Variants in RBFOX3 observed in about 807,000 individuals in gnomAD.
The protein encoded by RBFOX3 is RNA binding protein fox-1 homolog 3.
A neutral mutation model predicts 48.7 loss-of-function variants in RBFOX3; 17 were observed. That is an observed-to-expected ratio of 0.35 (90% CI 0.24 to 0.52). RBFOX3 has a LOEUF of 0.52. Among genes scored for constraint, RBFOX3 ranks in the 20% least tolerant of loss-of-function variants. The pLI is 0.94. For missense variants in RBFOX3, 382 were observed against 497.5 expected (o/e 0.77, Z 2.21); for synonymous variants, 212 against 209.5 (o/e 1.01, Z -0.10).
chr17:79,445,218 G>C (rs1191712026), intron 2 of RBFOX3, among the ~76,000 whole-genome samples: 2 of 152,194 alleles, frequency 1.3e-5, no homozygotes, highest in Admixed American at 6.5e-5. Context: ...ACACGGGTAG[G>C]TGTGTTCATG....
At chr17:79,135,291 G>A (rs2039927988) in intron 4 of RBFOX3, among the ~76,000 whole-genome samples, 1 of 152,166 alleles carries the variant, frequency 6.6e-6, no homozygotes. Flanking sequence ...CTGGGGAGGT[G>A]AGATGGGTGG....
chr17:79,545,585 C>G (rs1453551168), intron 1 of RBFOX3, among the ~76,000 whole-genome samples: 1 of 152,236 alleles, frequency 6.6e-6, no homozygotes, highest in Non-Finnish European at 1.5e-5. Context: ...TCCTTCCAGG[C>G]AGCCGATTGG....
intron 2 of RBFOX3, among the ~76,000 whole-genome samples, chr17:79,371,480 T>C (rs1225537137): frequency 2.0e-5 from 3 of 152,138 alleles, no homozygotes; most frequent in African/African-American, 7.2e-5. Context: ...CTGGGCTCCA[T>C]AGACCCCATG....
intron 1 of RBFOX3, among the ~76,000 whole-genome samples, chr17:79,569,724 C>A (rs2092595893): frequency 6.6e-6 from 1 of 152,164 alleles, no homozygotes; most frequent in African/African-American, 2.4e-5. Flanking sequence ...TTCTGGTGGC[C>A]AAGGTCAACA....
At chr17:79,590,201 G>A (rs963323991) in intron 1 of RBFOX3, among the ~76,000 whole-genome samples, 1 of 152,144 alleles carries the variant, frequency 6.6e-6, no homozygotes, top group Non-Finnish European at 1.5e-5. Flanking sequence ...AACCCCAGGG[G>A]ACAAGGCCCT....
intron 4 of RBFOX3, among the ~76,000 whole-genome samples, chr17:79,126,404 C>A (rs1028098174): frequency 1.2e-4 from 18 of 152,282 alleles, no homozygotes; most frequent in Admixed American, 6.5e-5. Flanking sequence ...CGGCCCACAG[C>A]CCTCCCGAGA....
At chr17:79,587,508 T>A (rs2144983911) in intron 1 of RBFOX3, among the ~76,000 whole-genome samples, 1 of 152,318 alleles carries the variant, frequency 6.6e-6, no homozygotes, top group African/African-American at 2.4e-5. Flanking sequence ...AGGCCAACCC[T>A]GTTTGGGAGA....
intron 2 of RBFOX3, among the ~76,000 whole-genome samples, chr17:79,351,354 A>G (rs1007516323): frequency 3.3e-5 from 5 of 152,194 alleles, no homozygotes; most frequent in Admixed American, 2.6e-4. Context: ...CAAAGCAGCC[A>G]CATGCTTTAC....
rs146338071 is a variant in RBFOX3 at position 79,329,486 on chromosome 17, G to A, written c.-174-21662C>T. Among the ~76,000 whole-genome samples, 840 of 152,184 alleles carry A rather than the reference G, an allele frequency of 5.5e-3. 11 individuals carry two copies. The highest frequency in any genetic ancestry group is 0.019 in the African/African-American group (786 of 41,534). On this transcript the variant is annotated intron_variant, in intron 2 of 14. Transcript: ENST00000693108. The stretch of plus-strand genomic sequence containing the variant: ...CCTGCTGATGGTGTTACGTGGCCAC[G>A]CCATCAACCCAGATCACCCGTGAGA...
At chr17:79,501,357 G>A (rs1435130694) in intron 1 of RBFOX3, among the ~76,000 whole-genome samples, 2 of 152,318 alleles carry the variant, frequency 1.3e-5, no homozygotes, top group East Asian at 3.9e-4. Context: ...TCGCTGGCCA[G>A]AGAGGCTGGT....
At chr17:79,330,748 C>G (rs1296145155) in intron 2 of RBFOX3, among the ~76,000 whole-genome samples, 1 of 152,156 alleles carries the variant, frequency 6.6e-6, no homozygotes, top group Non-Finnish European at 1.5e-5. Flanking sequence ...TTCTCTGGGT[C>G]TGAAGGTCCT....
intron 1 of RBFOX3, among the ~76,000 whole-genome samples, chr17:79,609,106 G>A (rs1390164428): frequency 6.6e-6 from 1 of 152,204 alleles, no homozygotes; most frequent in African/African-American, 2.4e-5. Flanking sequence ...TAATATCCCC[G>A]TGAACAACGC....
intron 1 of RBFOX3, among the ~76,000 whole-genome samples, chr17:79,519,144 G>A (rs2085686747): frequency 6.6e-6 from 1 of 152,242 alleles, no homozygotes; most frequent in Non-Finnish European, 1.5e-5. Flanking sequence ...TTTGAACTCA[G>A]CATAAAAATC....
chr17:79,421,483 C>T lies in RBFOX3; in HGVS notation c.-175+60971G>A, dbSNP rs1029211394. Among the ~76,000 whole-genome samples, 11 of 152,264 alleles carry T rather than the reference C, an allele frequency of 7.2e-5. No homozygotes were observed. Among genetic ancestry groups the T allele is most frequent in the African/African-American group, 2.6e-4 (11 of 41,552 alleles). ...CCACTGGCAGGACAGCAGCTCTCAG[C>T]CCCTCCCCCTGAAGAAAGCATGTGG... On this transcript the variant is annotated intron_variant, in intron 2 of 14. Coordinates refer to ENST00000693108, the MANE Select transcript of RBFOX3 (RefSeq NM_001350451.2). This position sits in a 1 kb window ranked among gnomAD's most constrained non-coding sequence, Gnocchi z 4.5.
intron 3 of RBFOX3, among the ~76,000 whole-genome samples, chr17:79,257,302 G>A (rs550310113): frequency 1.3e-5 from 2 of 152,344 alleles, no homozygotes; most frequent in South Asian, 4.1e-4. Context: ...AGGGATGCAT[G>A]TTGTTAGGTG....
At chr17:79,156,163 C>T (rs1009580899) in intron 4 of RBFOX3, among the ~76,000 whole-genome samples, 1 of 152,202 alleles carries the variant, frequency 6.6e-6, no homozygotes, top group East Asian at 1.9e-4. Context: ...TCATTTGCTA[C>T]GCTCTGAACT....
intron 4 of RBFOX3, among the ~76,000 whole-genome samples, chr17:79,185,475 A>G (rs548005545): frequency 2.0e-5 from 3 of 152,272 alleles, no homozygotes; most frequent in East Asian, 3.9e-4. Context: ...GGTGCCCTGG[A>G]GTGGCCCTTG....
At chr17:79,528,214 C>A (rs1346566518) in intron 1 of RBFOX3, among the ~76,000 whole-genome samples, 3 of 150,958 alleles carry the variant, frequency 2.0e-5, no homozygotes, top group African/African-American at 4.9e-5. Flanking sequence ...CTTAGTTGAA[C>A]CTCTGAGGTG....
At chr17:79,460,397 C>G (rs532148154) in intron 2 of RBFOX3, among the ~76,000 whole-genome samples, 1 of 152,186 alleles carries the variant, frequency 6.6e-6, no homozygotes, top group African/African-American at 2.4e-5. Context: ...ATCCACCACA[C>G]TCCCACCACA....
Sources: gnomAD v4.1 joint callset for allele counts (sites outside exome capture counted in the v4.1 genomes callset) on GRCh38, gnomAD v4.1.1 for gene constraint, Gnocchi (gnomAD v3.1) non-coding constraint, MANE v1.5 for transcripts, NCBI Gene and HGNC (gene_info 2026-07-23, HGNC 2026-07-21) for gene names.